Variants in CRPPA observed in about 807,000 individuals in gnomAD.
The protein encoded by CRPPA is D-ribitol-5-phosphate cytidylyltransferase.
A neutral mutation model predicts 52.0 loss-of-function variants in CRPPA; 43 were observed. The ratio of observed to expected loss-of-function variants is 0.83; its 90% CI spans 0.65 to 1.07. The LOEUF is 1.07. Ranked by LOEUF, CRPPA falls within the 50% of genes least tolerant of loss-of-function variation. The probability of loss-of-function intolerance (pLI) is 0.00; values close to 1 mark genes in which losing one functional copy is unlikely to be tolerated. For missense variants in CRPPA, 629 were observed against 551.7 expected, an observed-to-expected ratio of 1.14 and a Z score of -1.40; for synonymous variants, 250 against 203.5, an observed-to-expected ratio of 1.23 and a Z score of -1.94.
chr7:16,316,834 G>A (rs1193814305), intron 3 of CRPPA, among the ~76,000 whole-genome samples: 5 of 152,028 alleles, frequency 3.3e-5, no homozygotes, highest in Non-Finnish European at 7.4e-5. Context: ...TCCAACCTGG[G>A]CAATGCAGAG....
At chr7:16,254,781 GA>G (rs1562588499) in intron 8 of CRPPA, among the ~76,000 whole-genome samples, 2 of 128,268 alleles carry the variant, frequency 1.6e-5, no homozygotes, top group African/African-American at 6.0e-5. Flanking sequence ...CAGAAAGAAA[GA>G]AAGAAAGAAG....
At chr7:16,105,572 T>G (rs753685856) in intron 9 of CRPPA, among the ~76,000 whole-genome samples, 9 of 152,158 alleles carry the variant, frequency 5.9e-5, no homozygotes, top group Non-Finnish European at 1.3e-4. Flanking sequence ...GCAGAGGTCC[T>G]AGTGATCATG....
chr7:16,358,398 T>C (rs1397270930), intron 3 of CRPPA, among the ~76,000 whole-genome samples: 1 of 152,174 alleles, frequency 6.6e-6, no homozygotes, highest in African/African-American at 2.4e-5. Flanking sequence ...GTACAATATA[T>C]AAAGGTAGCT....
intron 3 of CRPPA, among the ~76,000 whole-genome samples, chr7:16,331,812 A>G (rs1028137170): frequency 6.6e-6 from 1 of 152,216 alleles, no homozygotes; most frequent in Non-Finnish European, 1.5e-5. Context: ...AAGTAAAGAT[A>G]ATGAAGACCA....
chr7:16,395,566 A>C (rs1167135775), intron 2 of CRPPA, among the ~76,000 whole-genome samples: 1 of 152,250 alleles, frequency 6.6e-6, no homozygotes, highest in Non-Finnish European at 1.5e-5. Context: ...CTTCTGACAA[A>C]TAAATTGAAC....
At chr7:16,143,055 T>C (rs1242058831) in intron 9 of CRPPA, among the ~76,000 whole-genome samples, 1 of 152,240 alleles carries the variant, frequency 6.6e-6, no homozygotes, top group Non-Finnish European at 1.5e-5. Context: ...TTTATCGTCT[T>C]GTATTTGGCT....
intron 9 of CRPPA, among the ~76,000 whole-genome samples, chr7:16,092,916 T>C (rs899073206): frequency 6.6e-6 from 1 of 152,180 alleles, no homozygotes; most frequent in African/African-American, 2.4e-5. Context: ...TTGAATATCT[T>C]TGGGCCAGCT....
chr7:16,373,698 A>G (rs1482362931), intron 3 of CRPPA, among the ~76,000 whole-genome samples: 1 of 152,244 alleles, frequency 6.6e-6, no homozygotes, highest in East Asian at 1.9e-4. Context: ...AATAAGCAGC[A>G]AGGTAGAAAG....
At chr7:16,144,854 A>G (rs527424290) in intron 9 of CRPPA, among the ~76,000 whole-genome samples, 123 of 152,260 alleles carry the variant, frequency 8.1e-4, no homozygotes, top group Admixed American at 4.7e-3. Context: ...CTGCGCTGTC[A>G]GGTAAAATAC....
intron 1 of CRPPA, among the ~76,000 whole-genome samples, chr7:16,420,347 C>G (rs1054109723): frequency 6.6e-6 from 1 of 152,184 alleles, no homozygotes; most frequent in African/African-American, 2.4e-5. Context: ...CACCTCATTA[C>G]TCAGTGCTAA....
At chr7:16,264,797 C>T (rs150000132) in intron 6 of CRPPA, among the ~76,000 whole-genome samples, 28 of 152,222 alleles carry the variant, frequency 1.8e-4, no homozygotes, top group South Asian at 1.5e-3. Flanking sequence ...TCAGCATTTA[C>T]TATTTCTTAG....
At chr7:16,101,250 C>T (rs1308861462) in intron 9 of CRPPA, among the ~76,000 whole-genome samples, 6 of 152,114 alleles carry the variant, frequency 3.9e-5, no homozygotes, top group Non-Finnish European at 8.8e-5. Context: ...CTTTGTACCT[C>T]TGGTAGAATT....
At chr7:16,351,445 A>G (rs997162578) in intron 3 of CRPPA, among the ~76,000 whole-genome samples, 1 of 152,234 alleles carries the variant, frequency 6.6e-6, no homozygotes, top group Non-Finnish European at 1.5e-5. Flanking sequence ...CTGCACAGCA[A>G]AAGAAATTAT....
At chr7:16,166,522 C>A (rs1350674255) in intron 9 of CRPPA, among the ~76,000 whole-genome samples, 1 of 152,132 alleles carries the variant, frequency 6.6e-6, no homozygotes, top group Admixed American at 6.5e-5. Flanking sequence ...TCAGGTAATC[C>A]ACCCCCCTCA....
chr7:16,366,743 C>T (rs1451737991), intron 3 of CRPPA, among the ~76,000 whole-genome samples: 2 of 147,514 alleles, frequency 1.4e-5, no homozygotes, highest in African/African-American at 2.5e-5. Flanking sequence ...TATGAACCTA[C>T]CTAGTAGAAT....
chr7:16,255,486 C>A (rs140461102), intron 8 of CRPPA, among the ~76,000 whole-genome samples: 17,906 of 152,120 alleles, frequency 0.12, 1,092 homozygotes, highest in Non-Finnish European at 0.15. Flanking sequence ...ATTGCCAAGA[C>A]AATCCTAAGC....
intron 8 of CRPPA, among the ~76,000 whole-genome samples, chr7:16,253,175 T>C (rs6963178): frequency 0.61 from 93,166 of 152,010 alleles, 28,663 homozygotes; most frequent in East Asian, 0.67. Flanking sequence ...CAAGCTTCTC[T>C]AGTTCTTTTA....
At chr7:16,148,468 A>C (rs1361216757) in intron 9 of CRPPA, among the ~76,000 whole-genome samples, 2 of 152,156 alleles carry the variant, frequency 1.3e-5, no homozygotes, top group African/African-American at 4.8e-5. Flanking sequence ...AAAACATTGA[A>C]ATCCTGTCAT....
chr7:16,144,790 C>T (rs554229620), intron 9 of CRPPA, among the ~76,000 whole-genome samples: 126 of 152,258 alleles, frequency 8.3e-4, no homozygotes, highest in African/African-American at 2.5e-3. Flanking sequence ...ACTCTCTCAG[C>T]GGCTGCTGGA....
Sources: allele counts gnomAD v4.1 joint callset (sites outside exome capture counted in the v4.1 genomes callset), GRCh38; gene constraint gnomAD v4.1.1; transcripts MANE v1.5; gene names NCBI Gene and HGNC (gene_info 2026-07-23, HGNC 2026-07-21).